COBL: variants seen among roughly 807,000 people sequenced by gnomAD.
COBL encodes protein cordon-bleu.
COBL carries 51 observed loss-of-function variants against 98.8 expected under a neutral mutation model. The observed-to-expected ratio is 0.52, with a 90% CI of 0.41 to 0.65. The LOEUF is 0.65. COBL is among the 30% of genes least tolerant of loss of function. COBL has a pLI of 0.00. For synonymous variants in COBL, 634 were observed against 651.7 expected, an observed-to-expected ratio of 0.97 and a Z score of 0.41; for missense variants, 1,617 against 1,617.5, an observed-to-expected ratio of 1.00 and a Z score of 0.01.
intron 7 of COBL, among the ~76,000 whole-genome samples, chr7:51,062,301 C>T (rs551134902): frequency 2.0e-5 from 3 of 148,892 alleles, no homozygotes; most frequent in East Asian, 2.0e-4. Flanking sequence ...CTTTAATTTG[C>T]GTCTGTGAGA....
At chr7:51,169,607 C>T (rs1266760722) in intron 5 of COBL, among the ~76,000 whole-genome samples, 1 of 152,132 alleles carries the variant, frequency 6.6e-6, no homozygotes, top group Non-Finnish European at 1.5e-5. Context: ...CACAGAAAGA[C>T]AAATACCACA....
intron 1 of COBL, among the ~76,000 whole-genome samples, chr7:51,220,622 G>C (rs1462849145): frequency 6.6e-6 from 1 of 152,158 alleles, no homozygotes; most frequent in Non-Finnish European, 1.5e-5. Context: ...CTAAACACCT[G>C]ATGAGTCACC....
At chr7:51,092,048 C>T (rs1414336745) in intron 6 of COBL, among the ~76,000 whole-genome samples, 1 of 152,230 alleles carries the variant, frequency 6.6e-6, no homozygotes, top group Non-Finnish European at 1.5e-5. Context: ...GGTAAGTGAA[C>T]AAGCATTACT....
intron 6 of COBL, among the ~76,000 whole-genome samples, chr7:51,103,546 G>C (rs1232805215): frequency 5.3e-5 from 8 of 152,092 alleles, no homozygotes. Context: ...TTGATTCGAA[G>C]TTTTTAAAAT....
At chr7:51,086,918 C>T (rs1262146739) in intron 6 of COBL, among the ~76,000 whole-genome samples, 2 of 151,900 alleles carry the variant, frequency 1.3e-5, no homozygotes, top group Non-Finnish European at 2.9e-5. Context: ...TAAATAACCC[C>T]ATAAAGATGA....
At chr7:51,205,840 T>C (rs1272569255) in intron 2 of COBL, among the ~76,000 whole-genome samples, 2 of 152,038 alleles carry the variant, frequency 1.3e-5, no homozygotes, top group Non-Finnish European at 2.9e-5. Context: ...ATATCCAAAA[T>C]AGATAAAGAA....
chr7:51,254,253 A>ATTTG (rs1797003196), intron 1 of COBL, among the ~76,000 whole-genome samples: 1 of 152,120 alleles, frequency 6.6e-6, no homozygotes, highest in African/African-American at 2.4e-5. Context: ...ATGTAAAGTG[A>ATTTG]CCTTCATAGA....
At chr7:51,060,065 C>T (rs1301258682) in intron 7 of COBL, among the ~76,000 whole-genome samples, 1 of 152,152 alleles carries the variant, frequency 6.6e-6, no homozygotes, top group Non-Finnish European at 1.5e-5. Context: ...GATCTGATCT[C>T]GTCTTCAGTG....
intron 6 of COBL, among the ~76,000 whole-genome samples, chr7:51,131,607 T>TC (rs199718814): frequency 0.019 from 2,878 of 151,952 alleles, 82 homozygotes; most frequent in South Asian, 0.1. Context: ...TTTTTTTTTT[T>TC]TTCTGAAATG....
At chr7:51,110,783 C>T (rs1201001336) in intron 6 of COBL, among the ~76,000 whole-genome samples, 5 of 152,202 alleles carry the variant, frequency 3.3e-5, no homozygotes, top group South Asian at 2.1e-4. Flanking sequence ...TGAGAACATA[C>T]GATGTTTGGT....
At chr7:51,156,600 C>T (rs1026127167) in intron 5 of COBL, 12 of 984,838 alleles carry the variant, frequency 1.2e-5, no homozygotes, top group Non-Finnish European at 1.4e-5. Context: ...ATCCTTCTCA[C>T]CCCACATGGA....
At chr7:51,177,290 C>T (rs1195373905) in intron 5 of COBL, among the ~76,000 whole-genome samples, 2 of 152,176 alleles carry the variant, frequency 1.3e-5, no homozygotes, top group African/African-American at 4.8e-5. Flanking sequence ...GCTTTCATAA[C>T]TCTGTCCTTT....
At chr7:51,086,792 AT>A (rs1194842380) in intron 6 of COBL, among the ~76,000 whole-genome samples, 1 of 152,086 alleles carries the variant, frequency 6.6e-6, no homozygotes, top group Non-Finnish European at 1.5e-5. Context: ...TTTCTAGACT[AT>A]TTTTTCTTCT....
At chr7:51,111,764 A>C (rs545918849) in intron 6 of COBL, among the ~76,000 whole-genome samples, 3 of 152,326 alleles carry the variant, frequency 2.0e-5, no homozygotes, top group African/African-American at 4.8e-5. Flanking sequence ...AGCTGTATCC[A>C]TCTGTGCTGC....
At chr7:51,243,635 A>C (rs1775059313) in intron 1 of COBL, among the ~76,000 whole-genome samples, 1 of 152,076 alleles carries the variant, frequency 6.6e-6, no homozygotes, top group African/African-American at 2.4e-5. Flanking sequence ...GCTGGGTGAA[A>C]AAAAGCAGTC....
At position 51,201,022 on chromosome 7, in the gene COBL, C is replaced by T. The variant is rs1034319577; in HGVS notation, c.246-7433G>A. Among the ~76,000 whole-genome samples, 9 of 152,018 alleles carry T rather than the reference C, an allele frequency of 5.9e-5. No individual in the cohort carries two copies. In the East Asian group the frequency reaches 7.7e-4, roughly 13 times the overall value. On this transcript the variant is annotated intron_variant, in intron 2 of 12. Coordinates refer to ENST00000265136, the MANE Select transcript of COBL (RefSeq NM_015198.5). ...TTGGGAGGCCGAGGCGGGCAGATCA[C>T]GATGTCAGGAGTTCGAGACCAGCCT...
intron 1 of COBL, among the ~76,000 whole-genome samples, chr7:51,253,574 G>T (rs2129139926): frequency 6.6e-6 from 1 of 152,336 alleles, no homozygotes; most frequent in Middle Eastern, 3.4e-3. Context: ...TAGAGAGAGT[G>T]AAAAGGAGAG....
At chr7:51,134,925 G>C (rs1278311457) in intron 6 of COBL, among the ~76,000 whole-genome samples, 1 of 151,926 alleles carries the variant, frequency 6.6e-6, no homozygotes, top group Non-Finnish European at 1.5e-5. Flanking sequence ...CTCAAAATAA[G>C]TCAGTTACAT....
rs1182325238 is a variant in COBL at position 51,028,927 on chromosome 7, A to G, written c.2169T>C (p.Asp723=). 1 of 1,614,156 alleles carries G rather than the reference A, an allele frequency of 6.2e-7. No homozygotes were observed. The highest frequency in any genetic ancestry group is 2.2e-5 in the East Asian group (1 of 44,880). Residue 723 remains aspartate, a synonymous_variant, in exon 10 of 13, where the codon GAT becomes GAC. Coordinates refer to ENST00000265136, the MANE Select transcript of COBL (RefSeq NM_015198.5). ...TAATGGCTCCGGTGGAGAGGGACAC[A>G]TCTCTGTCGTAACATCGCATCTCTG... ...PKSEMRCYDR[D]VSLSTGAIKI... is the part of the protein sequence containing the mutation.
Sources: allele counts gnomAD v4.1 joint callset (sites outside exome capture counted in the v4.1 genomes callset), GRCh38; gene constraint gnomAD v4.1.1; transcripts MANE v1.5; gene names NCBI Gene and HGNC (gene_info 2026-07-23, HGNC 2026-07-21).